Variants in MEGF6 observed in about 807,000 individuals in gnomAD.
The protein encoded by MEGF6 is multiple EGF like domains 6, also known as multiple epidermal growth factor-like domains protein 6.
A neutral mutation model predicts 207.1 loss-of-function variants in MEGF6; 184 were observed. The ratio of observed to expected loss-of-function variants is 0.89; its 90% confidence interval spans 0.79 to 1.00. MEGF6 has a LOEUF of 1.00. Ranked by LOEUF, MEGF6 falls within the 50% of genes least tolerant of loss-of-function variation. The probability of loss-of-function intolerance (pLI) is 0.00; values close to 1 mark genes in which losing one functional copy is unlikely to be tolerated. For synonymous variants in MEGF6, 1,038 were observed against 910.0 expected (o/e 1.14, Z -2.53); for missense variants, 2,282 against 2,202.9 (o/e 1.04, Z -0.72).
In MEGF6 at chr1:3,508,647, C is replaced by G; in HGVS notation, c.1571G>C (p.Cys524Ser). 1 of 1,613,510 alleles carries G rather than the reference C, an allele frequency of 6.2e-7. No homozygotes were observed. Among genetic ancestry groups the G allele is most frequent in the Non-Finnish European group, 8.5e-7 (1 of 1,179,966 alleles). Reference sequence around the variant, plus strand: ...GGTCCCTCCGTTCCTGCAGTCATCACAGGTCAAGCTGCAGTCATGGCCAAA... The same window carrying G: ...GGTCCCTCCGTTCCTGCAGTCATCAGAGGTCAAGCTGCAGTCATGGCCAAA... ...DSFGHDCSLT[C>S]DDCRNGGTCL... The change falls in exon 13 of 37, where the codon TGT (cysteine) becomes TCT (serine). Residue 524 changes from cysteine (C) to serine (S), a missense_variant. Coordinates refer to ENST00000356575, the MANE Select transcript of MEGF6 (RefSeq NM_001409.4).
Position 3,544,200 on chromosome 1 carries a change from C to G in MEGF6, c.482-19954G>C, listed in dbSNP as rs191182194. 6.0e-5 allele frequency among the ~76,000 whole-genome samples: 9 copies of G among 150,908 alleles called. No homozygotes were observed. The South Asian group carries it at 8.3e-4, about 14-fold the overall frequency. ...CAAGCATCAGGCTAACCCTCTCCCC[C>G]CAGCGTCGCAGCGGCATCAGGCTAA... On this transcript the variant is annotated intron_variant, in intron 4 of 36. Transcript: ENST00000356575.
At chr1:3,496,595 C>T (rs1640614047) in intron 29 of MEGF6, 60 bp downstream of exon 29, 1 of 1,548,486 alleles carries the variant, frequency 6.5e-7, no homozygotes, top group Non-Finnish European at 8.7e-7. Context: ...TGCAGGCTGG[C>T]TGGCCCTACC....
upstream of MEGF6, among the ~76,000 whole-genome samples, chr1:3,612,168 C>G (rs1644337511): frequency 6.6e-6 from 1 of 152,242 alleles, no homozygotes; most frequent in African/African-American, 2.4e-5. Flanking sequence ...TGGTTCCCAA[C>G]CACCTTCTGG....
rs1643327010 is a variant in MEGF6 at position 3,565,751 on chromosome 1, C to G, written c.481+14074G>C. ...GCAGTTTCCCAGGAGGGCAGGGGAC[C>G]CCCAAGTGGAGGTGGCCACGTCACC... On this transcript the variant is annotated intron_variant, in intron 4 of 36. Transcript: ENST00000356575. This position sits in a 1 kb window ranked among gnomAD's most constrained non-coding sequence, Gnocchi z 4.8. 6.6e-6 allele frequency among the ~76,000 whole-genome samples: 1 copy of G among 152,174 alleles called. No individual in the cohort carries two copies. The highest frequency in any genetic ancestry group is 1.5e-5 in the Non-Finnish European group (1 of 68,014).
At chr1:3,608,631 C>T (rs1323464582) in intron 1 of MEGF6, among the ~76,000 whole-genome samples, 2 of 152,196 alleles carry the variant, frequency 1.3e-5, no homozygotes, top group Non-Finnish European at 2.9e-5. Context: ...ACCTGAGCCC[C>T]GCGAAGCAGA....
rs141463225 is a variant in MEGF6, at chr1:3,507,664, G to T, written c.1789+131C>A. 6.9e-5 allele frequency: 85 copies of T among 1,224,388 alleles called. No homozygotes were observed. In the East Asian group the frequency reaches 2.0e-3, roughly 29 times the overall value. The allele number at this position is 1,224,388 out of a possible 1,614,324, so 75.8% of individuals were successfully genotyped here. On this transcript the variant is annotated intron_variant, in intron 14 of 36. Coordinates refer to ENST00000356575, the MANE Select transcript of MEGF6 (RefSeq NM_001409.4). ...GGAGGCAGGAAGGAAAGGGAGTCTA[G>T]GAAAAGTTTGGTAGCAGTTTCCCTG...
chr1:3,537,047 T>G (rs1403197837), intron 4 of MEGF6, among the ~76,000 whole-genome samples: 1 of 152,258 alleles, frequency 6.6e-6, no homozygotes, highest in Non-Finnish European at 1.5e-5. Context: ...GGCCTCTGAA[T>G]GCAGAGCTAG....
At chr1:3,491,165 C>G (rs1479473732) in intron 35 of MEGF6, among the ~76,000 whole-genome samples, 1 of 151,966 alleles carries the variant, frequency 6.6e-6, no homozygotes, top group Non-Finnish European at 1.5e-5. Context: ...TAGGAAAGCT[C>G]TCAGCCCCTC....
chr1:3,502,808 C>T (rs1640958007), intron 17 of MEGF6, among the ~76,000 whole-genome samples: 1 of 152,200 alleles, frequency 6.6e-6, no homozygotes, highest in Non-Finnish European at 1.5e-5. Flanking sequence ...CTGCCCTGAC[C>T]TTAAGGGCCC....
intron 35 of MEGF6, 122 bp from the exon 36 acceptor site, chr1:3,491,081 T>G (rs1177520869): frequency 4.9e-6 from 4 of 808,288 alleles, no homozygotes; most frequent in Non-Finnish European, 7.2e-6. Context: ...CACAGTCTCC[T>G]TCCCTTCTCA....
chr1:3,519,413 G>A (rs1641660357), intron 5 of MEGF6, among the ~76,000 whole-genome samples: 1 of 152,266 alleles, frequency 6.6e-6, no homozygotes, highest in Non-Finnish European at 1.5e-5. Flanking sequence ...GCACTCCCAG[G>A]TGGGAGCTGC....
intron 2 of MEGF6, among the ~76,000 whole-genome samples, chr1:3,601,332 C>T (rs1344108422): frequency 6.6e-6 from 1 of 152,254 alleles, no homozygotes; most frequent in African/African-American, 2.4e-5. Context: ...CCACCTGCAT[C>T]CATGCACGCA....
chr1:3,600,720 G>A (rs896580159), intron 2 of MEGF6, among the ~76,000 whole-genome samples: 4 of 152,174 alleles, frequency 2.6e-5, no homozygotes, highest in Admixed American at 1.3e-4. Flanking sequence ...CTGTGCCCAC[G>A]AACAGCCCCA....
intron 3 of MEGF6, among the ~76,000 whole-genome samples, chr1:3,593,889 C>T (rs1172307154): frequency 6.6e-6 from 1 of 152,164 alleles, no homozygotes; most frequent in East Asian, 1.9e-4. Context: ...TACTCTCCTC[C>T]CTTCCTGGAG....
intron 3 of MEGF6, among the ~76,000 whole-genome samples, chr1:3,583,123 G>A (rs1400998646): frequency 6.6e-6 from 1 of 152,198 alleles, no homozygotes; most frequent in African/African-American, 2.4e-5. Flanking sequence ...GGCTACCCAT[G>A]GACTTGCTCC....
rs1335603706 is a variant in MEGF6, at chr1:3,493,628, C to G, written c.4387+143G>C. On this transcript the variant is annotated intron_variant, in intron 34 of 36. Transcript: ENST00000356575. ...TCCCAGCAGCTGACTCCAGCCCCCC[C>G]AGGGGGCACAGTCCAGGTGCAGAGG... 14 of 1,173,080 alleles carry G rather than the reference C, an allele frequency of 1.2e-5. No individual in the cohort carries two copies. The South Asian group carries it at 1.8e-4, about 15-fold the overall frequency. The allele number at this position is 1,173,080 out of a possible 1,614,324, so 72.7% of individuals were successfully genotyped here. A position where few individuals can be genotyped will look rare whatever the true frequency, so the allele number is the denominator to read the frequency against.
At chr1:3,623,190 C>T in the MEGF6 span, 1 of 149,926 alleles carries the variant, frequency 6.7e-6, no homozygotes, top group African/African-American at 2.4e-5. Flanking sequence ...TCTCCCTTCT[C>T]CTCCCTCTTT....
chr1:3,563,448 G>A (rs1387249800), intron 4 of MEGF6, among the ~76,000 whole-genome samples: 1 of 152,216 alleles, frequency 6.6e-6, no homozygotes. Flanking sequence ...TGGAGTCACA[G>A]CTGGGGCAGG....
intron 2 of MEGF6, 135 bp from the exon 3 acceptor site, chr1:3,595,582 G>A (rs1010447130): frequency 4.3e-6 from 3 of 704,618 alleles, no homozygotes; most frequent in South Asian, 1.8e-5. Flanking sequence ...AAGGTTCCTG[G>A]GTGGGGTGGC....
Sources: gnomAD v4.1 joint callset for allele counts (sites outside exome capture counted in the v4.1 genomes callset) on GRCh38, gnomAD v4.1.1 for gene constraint, Gnocchi (gnomAD v3.1) non-coding constraint, MANE v1.5 for transcripts, NCBI Gene and HGNC (gene_info 2026-07-23, HGNC 2026-07-21) for gene names.